CENPF: variants seen among roughly 807,000 people sequenced by gnomAD.
The protein encoded by CENPF is AH antigen.
CENPF carries 214 observed loss-of-function variants against 307.3 expected under a neutral mutation model. The ratio of observed to expected loss-of-function variants is 0.70; its 90% CI spans 0.62 to 0.78. The LOEUF is 0.78. Ranked by LOEUF, CENPF falls within the 30% of genes least tolerant of loss-of-function variation. The probability of loss-of-function intolerance (pLI) is 0.00; values close to 1 mark genes in which losing one functional copy is unlikely to be tolerated. For synonymous variants in CENPF, 1,259 were observed against 1,270.6 expected, an observed-to-expected ratio of 0.99 and a Z score of 0.19; for missense variants, 3,401 against 3,483.9, an observed-to-expected ratio of 0.98 and a Z score of 0.60.
chr1:214,647,337 T>A lies in CENPF; in HGVS notation c.7767T>A (p.Ser2589=). ...ACACATTAGAAGTGCTGCAGAGTTC[T>A]TACAAGAATCTAGAGAATGAGCTTG... ...LQDTLEVLQS[S]YKNLENELEL... The change falls in exon 13 of 20, where the codon TCT becomes TCA. Residue 2589 remains serine, a synonymous_variant. Transcript: ENST00000366955. The A allele has an allele frequency of 6.2e-7, 1 of 1,613,212 alleles. No individual in the cohort carries two copies. The highest frequency in any genetic ancestry group is 1.1e-5 in the South Asian group (1 of 90,836).
chr1:214,619,340 GC>G, intron 5 of CENPF, 120 bp downstream of exon 5: 1 of 539,516 alleles, frequency 1.9e-6, no homozygotes. Context: ...GTGTGTGTGT[GC>G]TGAGAAAAGG....
intron 10 of CENPF, among the ~76,000 whole-genome samples, chr1:214,637,324 T>C (rs61689969): frequency 0.072 from 11,010 of 152,300 alleles, 1,291 homozygotes; most frequent in African/African-American, 0.25. Flanking sequence ...TTTGCATTTT[T>C]TGTAATGCAC....
At chr1:214,622,813 G>A (rs552824568) in intron 7 of CENPF, among the ~76,000 whole-genome samples, 95 of 110,352 alleles carry the variant, frequency 8.6e-4, no homozygotes, top group African/African-American at 4.7e-3. Flanking sequence ...ACTATGGATC[G>A]TAAGTATTTA....
chr1:214,648,915 T>C, intron 14 of CENPF, 88 bp downstream of exon 14: 1 of 1,310,798 alleles, frequency 7.6e-7, no homozygotes, highest in African/African-American at 1.5e-5. Flanking sequence ...CTTCTGTTGT[T>C]TACCTAACTT....
At chr1:214,631,178 T>C (rs1467253166) in intron 9 of CENPF, among the ~76,000 whole-genome samples, 1 of 152,104 alleles carries the variant, frequency 6.6e-6, no homozygotes, top group Non-Finnish European at 1.5e-5. Flanking sequence ...ACTCTAGGTA[T>C]TTTTCTTTTT....
At chr1:214,618,876 C>A (rs1274798397) in intron 4 of CENPF, among the ~76,000 whole-genome samples, 182 bp downstream of exon 4, 1 of 152,198 alleles carries the variant, frequency 6.6e-6, no homozygotes, top group Non-Finnish European at 1.5e-5. Context: ...CTGGATTGAG[C>A]TTTTAAGCTT....
intron 7 of CENPF, among the ~76,000 whole-genome samples, chr1:214,623,374 G>C (rs1454597340): frequency 1.3e-5 from 2 of 152,098 alleles, no homozygotes; most frequent in Non-Finnish European, 2.9e-5. Flanking sequence ...ATGTGCATAG[G>C]TTATGTGCAA....
At chr1:214,621,451 C>G (rs900459632) in intron 6 of CENPF, among the ~76,000 whole-genome samples, 1 of 152,230 alleles carries the variant, frequency 6.6e-6, no homozygotes, top group African/African-American at 2.4e-5. Flanking sequence ...TTGGAATCTA[C>G]TCTGTAGAAG....
chr1:214,641,661 A>G lies in CENPF; in HGVS notation c.3323A>G (p.Gln1108Arg). The G allele has an allele frequency of 6.3e-7, 1 of 1,581,578 alleles. No homozygotes were observed. The highest frequency in any genetic ancestry group is 8.6e-7 in the Non-Finnish European group (1 of 1,166,794). Residue 1108 changes from glutamine to arginine, a missense_variant, in exon 12 of 20, where the codon CAA (glutamine) becomes CGA (arginine). Coordinates refer to ENST00000366955, the MANE Select transcript of CENPF (RefSeq NM_016343.4). ...NLMLELETVQ[Q>R]ALRSEMTDNQ... ...ATGCTAGAGTTGGAGACAGTGCAGC[A>G]AGCTCTGAGATCTGAGATGACAGAT...
intron 16 of CENPF, chr1:214,653,372 C>T (rs931114295): frequency 1.6e-5 from 3 of 186,266 alleles, no homozygotes; most frequent in Non-Finnish European, 3.4e-5. Flanking sequence ...ACTCACTTTT[C>T]TGTGGCTTAC....
Position 214,623,103 on chromosome 1 carries a change from C to T in CENPF, c.1068+822C>T, listed in dbSNP as rs149210526. On this transcript the variant is annotated intron_variant, in intron 7 of 19. Transcript: ENST00000366955. ...GTGCACACCTGTAATCCCAGCTACT[C>T]GGGAGTCTGAGGCACAAGAATTGTT... 2.2e-3 allele frequency among the ~76,000 whole-genome samples: 329 copies of T among 152,138 alleles called. 2 individuals carry two copies. Among genetic ancestry groups the T allele is most frequent in the African/African-American group, 7.1e-3 (296 of 41,514 alleles).
At position 214,655,221 on chromosome 1, in the gene CENPF, G is replaced by T; in HGVS notation, c.8323-20G>T. 3 of 1,501,700 alleles carry T rather than the reference G, an allele frequency of 2.0e-6. No individual in the cohort carries two copies. The highest frequency in any genetic ancestry group is 1.4e-5 in the South Asian group (1 of 72,376). The allele number at this position is 1,501,700 out of a possible 1,614,324, so 93.0% of individuals were successfully genotyped here. On this transcript the variant is annotated intron_variant, in intron 16 of 19. Transcript: ENST00000366955. The stretch of plus-strand genomic sequence containing the variant: ...AAAAAGAAATTCAAGGTTTTAAATG[G>T]AATTACTTTTATTTTGTAGATGGAC...
At chr1:214,656,570 C>T (rs1658637302) in intron 17 of CENPF, among the ~76,000 whole-genome samples, 2 of 152,120 alleles carry the variant, frequency 1.3e-5, no homozygotes, top group African/African-American at 4.8e-5. Flanking sequence ...TCTGTTCATC[C>T]ACTTATGGTA....
In CENPF at chr1:214,640,493, G is replaced by A. The variant is rs1658080169; in HGVS notation, c.2155G>A (p.Glu719Lys). 1 of 1,614,006 alleles carries A rather than the reference G, an allele frequency of 6.2e-7. No homozygotes were observed. The highest frequency in any genetic ancestry group is 1.7e-5 in the Admixed American group (1 of 59,998). ...FSDQKHQKEIENMCLKTSQLT... is the reference protein window; with the variant it reads ...FSDQKHQKEIKNMCLKTSQLT... The stretch of plus-strand genomic sequence containing the variant: ...AGATCAGAAACATCAGAAGGAAATA[G>A]AAAATATGTGTTTGAAGACTTCTCA... The change falls in exon 12 of 20, where the codon GAA (glutamate) becomes AAA (lysine). Residue 719 changes from glutamate (E) to lysine (K), a missense_variant. Transcript: ENST00000366955.
intron 3 of CENPF, among the ~76,000 whole-genome samples, chr1:214,615,837 G>C (rs1331145624): frequency 6.6e-6 from 1 of 152,088 alleles, no homozygotes; most frequent in Non-Finnish European, 1.5e-5. Flanking sequence ...TACTCAGGAG[G>C]CTGAGGCAGG....
chr1:214,610,458 A>G (rs1272151653), intron 1 of CENPF, among the ~76,000 whole-genome samples: 5 of 148,694 alleles, frequency 3.4e-5, no homozygotes, highest in Non-Finnish European at 5.9e-5. Context: ...GCTTTTTTTC[A>G]TATGCTTGTT....
intron 1 of CENPF, chr1:214,605,680 C>A (rs1261752540): frequency 3.2e-6 from 5 of 1,585,332 alleles, no homozygotes; most frequent in South Asian, 1.1e-5. Context: ...CGCCGCTAGG[C>A]GAGCTGGCTG....
chr1:214,648,454 TA>T (rs1254676647), intron 13 of CENPF: 2 of 710,062 alleles, frequency 2.8e-6, no homozygotes, highest in Non-Finnish European at 5.2e-6. Flanking sequence ...TTCCTTCCCT[TA>T]TTACTATTCT....
chr1:214,636,902 T>A (rs1439227099), intron 10 of CENPF, among the ~76,000 whole-genome samples: 1 of 152,222 alleles, frequency 6.6e-6, no homozygotes, highest in African/African-American at 2.4e-5. Flanking sequence ...TTCCCTGTGG[T>A]CCAAAGGGTG....
Sources: gnomAD v4.1 joint callset for allele counts (sites outside exome capture counted in the v4.1 genomes callset) on GRCh38, gnomAD v4.1.1 for gene constraint, MANE v1.5 for transcripts, NCBI Gene and HGNC (gene_info 2026-07-23, HGNC 2026-07-21) for gene names.